The following TBC1D19 variants were observed in gnomAD, a reference collection of about 807,000 sequenced individuals.
TBC1D19 encodes TBC1 domain family, member 19.
A neutral mutation model predicts 89.0 loss-of-function variants in TBC1D19; 60 were observed. The ratio of observed to expected loss-of-function variants is 0.67; its 90% CI spans 0.55 to 0.84. TBC1D19 has a LOEUF of 0.84. TBC1D19 is among the 40% of genes least tolerant of loss of function. The pLI is 0.00. For synonymous variants in TBC1D19, 189 were observed against 199.7 expected (o/e 0.95, Z 0.45); for missense variants, 500 against 610.8 (o/e 0.82, Z 1.91).
In TBC1D19 at chr4:26,656,764, G is replaced by C. The variant is rs567473016; in HGVS notation, c.481-2833G>C. Among the ~76,000 whole-genome samples, 3 of 152,176 alleles carry C rather than the reference G, an allele frequency of 2.0e-5. No individual in the cohort carries two copies. In the East Asian group the frequency reaches 5.8e-4, roughly 29 times the overall value. On this transcript the variant is annotated intron_variant, in intron 7 of 20. Coordinates refer to ENST00000264866, the MANE Select transcript of TBC1D19 (RefSeq NM_018317.4). ...AGTAGCAATGGAGTCTCACGATGTT[G>C]CCCAGGCTGGTTGTGAACTCTTGAG...
intron 12 of TBC1D19, among the ~76,000 whole-genome samples, chr4:26,685,137 A>T (rs1174661412): frequency 6.6e-6 from 1 of 152,204 alleles, no homozygotes; most frequent in Non-Finnish European, 1.5e-5. Context: ...TTAAAAATGT[A>T]TAAAAATAAT....
intron 7 of TBC1D19, among the ~76,000 whole-genome samples, chr4:26,646,463 T>C (rs953907261): frequency 1.3e-5 from 2 of 152,204 alleles, no homozygotes; most frequent in Non-Finnish European, 2.9e-5. Flanking sequence ...CATTACTGGG[T>C]ATATACCCAA....
intron 14 of TBC1D19, 80 bp from the exon 15 acceptor site, chr4:26,720,001 A>T: frequency 8.5e-7 from 1 of 1,175,942 alleles, no homozygotes; most frequent in Non-Finnish European, 1.2e-6. Context: ...TTCCGTTGTT[A>T]GTACATTCAC....
At chr4:26,735,019 T>TACACATATGTATATGTGTAC (rs1560503986) in intron 15 of TBC1D19, among the ~76,000 whole-genome samples, 39 of 89,300 alleles carry the variant, frequency 4.4e-4, no homozygotes, top group East Asian at 1.8e-3. Context: ...TATATGTGTA[T>TACACATATGTATATGTGTAC]ACACATGTAT....
chr4:26,833,094 C>G, the TBC1D19 span, among the ~76,000 whole-genome samples: 1 of 152,138 alleles, frequency 6.6e-6, no homozygotes, highest in Non-Finnish European at 1.5e-5. Context: ...TAAGTAAGCT[C>G]TGCCCACTGC....
At chr4:26,657,447 G>A (rs1489659978) in intron 7 of TBC1D19, among the ~76,000 whole-genome samples, 1 of 152,056 alleles carries the variant, frequency 6.6e-6, no homozygotes, top group Non-Finnish European at 1.5e-5. Context: ...AGTATTCCAT[G>A]GTGTATATGT....
chr4:26,604,399 G>A (rs889346620), intron 1 of TBC1D19, among the ~76,000 whole-genome samples: 2 of 150,734 alleles, frequency 1.3e-5, no homozygotes, highest in African/African-American at 4.9e-5. Context: ...TGATCCGCCC[G>A]CCTCGGCCTC....
intron 3 of TBC1D19, among the ~76,000 whole-genome samples, chr4:26,619,441 G>T (rs983265612): frequency 6.6e-6 from 1 of 151,992 alleles, no homozygotes; most frequent in Non-Finnish European, 1.5e-5. Context: ...TCCTGACCTC[G>T]TGATCCACCC....
chr4:26,594,505 C>T (rs1740066041), intron 1 of TBC1D19, among the ~76,000 whole-genome samples: 1 of 152,110 alleles, frequency 6.6e-6, no homozygotes, highest in Non-Finnish European at 1.5e-5. Context: ...CTTTCTCAGG[C>T]ATTGTAAAGA....
intron 1 of TBC1D19, among the ~76,000 whole-genome samples, chr4:26,605,590 A>G (rs1414597310): frequency 1.3e-5 from 2 of 152,066 alleles, no homozygotes; most frequent in Non-Finnish European, 2.9e-5. Flanking sequence ...GGCTGGGTCA[A>G]ATGGTATTTC....
At chr4:26,664,053 C>G (rs1711570709) in intron 8 of TBC1D19, among the ~76,000 whole-genome samples, 1 of 152,174 alleles carries the variant, frequency 6.6e-6, no homozygotes, top group African/African-American at 2.4e-5. Flanking sequence ...ATGTCAGGCC[C>G]TGTGCCAAGT....
chr4:26,855,890 G>T, the TBC1D19 span, among the ~76,000 whole-genome samples: 5 of 152,128 alleles, frequency 3.3e-5, no homozygotes. Flanking sequence ...TATATTTATG[G>T]AGTACAATGT....
At chr4:26,740,819 G>C in intron 17 of TBC1D19, 1 of 985,328 alleles carries the variant, frequency 1.0e-6, no homozygotes, top group South Asian at 4.7e-5. Flanking sequence ...TTAAATAGCT[G>C]TTCTTTATCC....
rs116063845 is a variant in TBC1D19 at position 26,661,874 on chromosome 4, T to C, written c.591+2167T>C. Among the ~76,000 whole-genome samples, 33 of 152,300 alleles carry C rather than the reference T, an allele frequency of 2.2e-4. 1 individual carries two copies. The highest frequency in any genetic ancestry group is 6.7e-4 in the African/African-American group (28 of 41,566). ...ATGCAACTGAAAATGACAAGTCACA[T>C]AGGCACAACATAGGGAAGTCTCATA... is the stretch of plus-strand genomic sequence containing the variant. On this transcript the variant is annotated intron_variant, in intron 8 of 20. Coordinates refer to ENST00000264866, the MANE Select transcript of TBC1D19 (RefSeq NM_018317.4).
At chr4:26,704,431 G>A (rs1039417059) in intron 13 of TBC1D19, among the ~76,000 whole-genome samples, 1 of 152,104 alleles carries the variant, frequency 6.6e-6, no homozygotes, top group African/African-American at 2.4e-5. Flanking sequence ...TCCATCATAT[G>A]CTTGGTTTAT....
chr4:26,855,044 G>C, the TBC1D19 span, among the ~76,000 whole-genome samples: 1 of 152,166 alleles, frequency 6.6e-6, no homozygotes, highest in East Asian at 1.9e-4. Flanking sequence ...TGGAGGCATC[G>C]TGAGAGACTG....
At chr4:26,847,189 GC>G in the TBC1D19 span, among the ~76,000 whole-genome samples, 12 of 152,174 alleles carry the variant, frequency 7.9e-5, no homozygotes, top group Admixed American at 2.0e-4. Context: ...GGGATAAAAT[GC>G]CTACCTTGAT....
At chr4:26,658,570 G>A (rs1745027079) in intron 7 of TBC1D19, among the ~76,000 whole-genome samples, 1 of 152,132 alleles carries the variant, frequency 6.6e-6, no homozygotes. Flanking sequence ...GACTATGCGG[G>A]CTCTTTTTTG....
At chr4:26,771,101 T>C in the TBC1D19 span, among the ~76,000 whole-genome samples, 6 of 151,768 alleles carry the variant, frequency 4.0e-5, no homozygotes, top group Non-Finnish European at 7.4e-5. Context: ...AGACACTCAA[T>C]ATCACTAATC....
Sources: allele counts gnomAD v4.1 joint callset (sites outside exome capture counted in the v4.1 genomes callset), GRCh38; gene constraint gnomAD v4.1.1; transcripts MANE v1.5; gene names NCBI Gene and HGNC (gene_info 2026-07-23, HGNC 2026-07-21).